TVP23C: variants seen among roughly 807,000 people sequenced by gnomAD.
The protein encoded by TVP23C is Golgi apparatus membrane protein TVP23 homolog C.
Under a neutral mutation model 28.7 loss-of-function variants are expected in TVP23C, and 19 were observed. The ratio of observed to expected loss-of-function variants is 0.66; its 90% CI spans 0.46 to 0.97. The LOEUF (loss-of-function observed/expected upper bound fraction) is 0.97, where lower values mean the gene tolerates loss of function less well. Among genes scored for constraint, TVP23C ranks in the 50% least tolerant of loss-of-function variants. TVP23C has a pLI of 0.00. For missense variants in TVP23C, 186 were observed against 241.3 expected (o/e 0.77, Z 1.52); for synonymous variants, 68 against 81.7 (o/e 0.83, Z 0.90).
intron 5 of TVP23C, among the ~76,000 whole-genome samples, chr17:15,523,207 G>A (rs9895529): frequency 0.49 from 73,240 of 150,800 alleles, 18,776 homozygotes; most frequent in Middle Eastern, 0.62. Flanking sequence ...GTTTCACTGT[G>A]TTGCCCAGAC....
intron 5 of TVP23C, among the ~76,000 whole-genome samples, chr17:15,513,187 G>A (rs1446516418): frequency 6.6e-6 from 1 of 152,184 alleles, no homozygotes; most frequent in Non-Finnish European, 1.5e-5. Flanking sequence ...AGCCAAGGCA[G>A]ACTTCAGAAT....
At chr17:15,514,569 G>A (rs1328833357) in intron 5 of TVP23C, among the ~76,000 whole-genome samples, 1 of 152,162 alleles carries the variant, frequency 6.6e-6, no homozygotes, top group Non-Finnish European at 1.5e-5. Flanking sequence ...TGGAAATAAG[G>A]AGCACAAAAT....
intron 2 of TVP23C, among the ~76,000 whole-genome samples, chr17:15,554,966 C>T (rs1984064379): frequency 6.6e-6 from 1 of 152,152 alleles, no homozygotes; most frequent in Non-Finnish European, 1.5e-5. Context: ...TTGAAATGTG[C>T]ACAATAAATC....
exon 6 of TVP23C, chr17:15,503,198 T>C (rs752904152): frequency 1.3e-6 from 2 of 1,564,932 alleles, no homozygotes; most frequent in Admixed American, 1.9e-5. Flanking sequence ...GCCCAAGACT[T>C]TCAGACCAGT....
rs901603549 is a variant in TVP23C, at chr17:15,563,080, T to C, written c.12+357A>G. The stretch of plus-strand genomic sequence containing the variant: ...GGCGGTGTCGCCGATTCCTACAAGA[T>C]AGCATCGCACCCCTGGGTGTCAGGA... On this transcript the variant is annotated intron_variant, in intron 1 of 5. Coordinates refer to ENST00000518321, the MANE Select transcript of TVP23C (RefSeq NM_001135036.2). The C allele has an allele frequency of 2.9e-5, 11 of 379,100 alleles. No individual in the cohort carries two copies. The East Asian group carries it at 2.9e-4, about 10-fold the overall frequency. The allele number at this position is 379,100 out of a possible 1,614,324, so 23.5% of individuals were successfully genotyped here.
chr17:15,522,655 A>AT (rs1436302806), intron 5 of TVP23C, among the ~76,000 whole-genome samples: 1 of 152,254 alleles, frequency 6.6e-6, no homozygotes, highest in East Asian at 1.9e-4. Context: ...GCAGCATATC[A>AT]TTATTACATT....
At chr17:15,544,978 T>C (rs1051324015) in intron 5 of TVP23C, among the ~76,000 whole-genome samples, 5 of 152,086 alleles carry the variant, frequency 3.3e-5, no homozygotes, top group African/African-American at 7.2e-5. Context: ...AGATATAAGA[T>C]AGAATAAGAA....
At chr17:15,524,063 G>GT (rs1555544657) in intron 5 of TVP23C, among the ~76,000 whole-genome samples, 5 of 136,262 alleles carry the variant, frequency 3.7e-5, no homozygotes, top group African/African-American at 8.4e-5. Context: ...AGCAGAGTGG[G>GT]GTGTGTGTGT....
intron 1 of TVP23C, among the ~76,000 whole-genome samples, chr17:15,556,675 A>T (rs943434311): frequency 1.3e-5 from 2 of 152,140 alleles, no homozygotes; most frequent in African/African-American, 4.8e-5. Context: ...GGCTTCTAAG[A>T]GTGGTTCACA....
At chr17:15,509,600 A>G (rs1981916385) in intron 5 of TVP23C, among the ~76,000 whole-genome samples, 1 of 152,168 alleles carries the variant, frequency 6.6e-6, no homozygotes, top group Non-Finnish European at 1.5e-5. Context: ...AGTGGTTCAC[A>G]CCTGTAGTTC....
At chr17:15,551,817 T>C (rs1983905363) in intron 3 of TVP23C, among the ~76,000 whole-genome samples, 1 of 152,218 alleles carries the variant, frequency 6.6e-6, no homozygotes, top group African/African-American at 2.4e-5. Context: ...ATTTTTTGTT[T>C]TTTTAGTAAG....
intron 5 of TVP23C, among the ~76,000 whole-genome samples, chr17:15,508,939 C>T (rs147592031): frequency 1.3e-5 from 2 of 152,310 alleles, no homozygotes; most frequent in African/African-American, 4.8e-5. Flanking sequence ...GCACTGGGGA[C>T]AGAAAATGTT....
chr17:15,502,711 CTCTCTCTCCTCTCTCTCTCTT>C (rs1403007034), exon 6 of TVP23C: 82 of 1,186,774 alleles, frequency 6.9e-5, no homozygotes, highest in South Asian at 9.9e-5. Context: ...TTCGTTCTTT[CTCTCTCTCCTCTCTCTCTCTT>C]TCTCTCTCCT....
At chr17:15,515,480 C>A (rs1410532316) in intron 5 of TVP23C, among the ~76,000 whole-genome samples, 1 of 152,212 alleles carries the variant, frequency 6.6e-6, no homozygotes, top group Non-Finnish European at 1.5e-5. Flanking sequence ...GGGAAACATA[C>A]AGGCCCAGTT....
rs776950948 is a variant in TVP23C at position 15,563,461 on chromosome 17, C to G, written c.-13G>C. On this transcript the variant is annotated 5_prime_UTR_variant, in exon 1 of 6. Transcript: ENST00000518321. ...CCTGCTGCAACATGGCGGCCCTACG[C>G]CAGCCCTGCTTCCAGGAGCCACGTC... 4 of 1,584,808 alleles carry G rather than the reference C, an allele frequency of 2.5e-6. No individual in the cohort carries two copies. The highest frequency in any genetic ancestry group is 3.4e-6 in the Non-Finnish European group (4 of 1,167,260).
rs146618564 is a variant in TVP23C, at chr17:15,545,623, T to C, written c.462+162A>G. Among the ~76,000 whole-genome samples the C allele has an allele frequency of 1.9e-4, 29 of 152,396 alleles. No individual in the cohort carries two copies. In the East Asian group the frequency reaches 5.6e-3, roughly 29 times the overall value. On this transcript the variant is annotated intron_variant, in intron 5 of 5. Coordinates refer to ENST00000518321, the MANE Select transcript of TVP23C (RefSeq NM_001135036.2). ...TTTTAGGATCTCTTCTCCAGTATTA[T>C]AGAGAAAGGTAAAGTTGGGAAGCAA...
intron 5 of TVP23C, among the ~76,000 whole-genome samples, chr17:15,511,409 G>A (rs902467647): frequency 6.6e-6 from 1 of 152,146 alleles, no homozygotes; most frequent in East Asian, 1.9e-4. Context: ...TGCCCCACTG[G>A]AAGCCTTAAT....
chr17:15,561,630 G>GAATGAATA (rs1350335513), intron 1 of TVP23C, among the ~76,000 whole-genome samples: 2,783 of 131,248 alleles, frequency 0.021, 27 homozygotes, highest in African/African-American at 0.061. Flanking sequence ...ATGAATGAAT[G>GAATGAATA]AATAAATAAA....
chr17:15,514,369 A>G (rs1184295446), intron 5 of TVP23C, among the ~76,000 whole-genome samples: 1 of 152,230 alleles, frequency 6.6e-6, no homozygotes, highest in African/African-American at 2.4e-5. Flanking sequence ...TTGTAACATT[A>G]AACACATTAC....
Sources: allele counts gnomAD v4.1 joint callset (sites outside exome capture counted in the v4.1 genomes callset), GRCh38; gene constraint gnomAD v4.1.1; transcripts MANE v1.5; gene names NCBI Gene and HGNC (gene_info 2026-07-23, HGNC 2026-07-21).